TMEM268: variants seen among roughly 807,000 people sequenced by gnomAD.
TMEM268 encodes the protein transmembrane protein C9orf91.
TMEM268 carries 24 observed loss-of-function variants against 39.1 expected under a neutral mutation model. That is an observed-to-expected ratio of 0.61 (90% CI 0.44 to 0.86). TMEM268 has a LOEUF of 0.86. Ranked by LOEUF, TMEM268 falls within the 40% of genes least tolerant of loss-of-function variation. The pLI is 0.00. For synonymous variants in TMEM268, 176 were observed against 173.5 expected (o/e 1.01, Z -0.12); for missense variants, 409 against 428.6 (o/e 0.95, Z 0.40).
At position 114,624,383 on chromosome 9, in the gene TMEM268, G is replaced by C; in HGVS notation, c.140G>C (p.Arg47Pro). The change falls in exon 3 of 9, where the codon CGG becomes CCG. Residue 47 changes from arginine to proline, a missense_variant. Coordinates refer to ENST00000288502, the MANE Select transcript of TMEM268 (RefSeq NM_153045.4). Reference protein sequence around the residue: ...LHNGQVLTVLRIDNTCAPISF... With the variant: ...LHNGQVLTVLPIDNTCAPISF... ...AATGGCCAGGTCCTCACTGTTCTCC[G>C]GATTGACAATACCTGTGCACCCATC... 6.2e-7 allele frequency: 1 copy of C among 1,603,988 alleles called. No homozygotes were observed. The highest frequency in any genetic ancestry group is 8.5e-7 in the Non-Finnish European group (1 of 1,174,804).
chr9:114,617,137 C>A lies in TMEM268; in HGVS notation c.-59C>A. 8.7e-7 allele frequency: 1 copy of A among 1,148,248 alleles called. No individual in the cohort carries two copies. The highest frequency in any genetic ancestry group is 1.4e-5 in the South Asian group (1 of 72,876). The allele number at this position is 1,148,248 out of a possible 1,614,324, so 71.1% of individuals were successfully genotyped here. A position where few individuals can be genotyped will look rare whatever the true frequency, so the allele number is the denominator to read the frequency against. The stretch of plus-strand genomic sequence containing the variant: ...CTGAAGGCATATGATGCTGAGCTGG[C>A]TGCTCCAGAATGAACCACAGCTCTG... On this transcript the variant is annotated 5_prime_UTR_variant, in exon 2 of 9. The change creates a new upstream start codon in the 5' untranslated region. Transcript: ENST00000288502.
rs1466240232 is a variant in TMEM268, at chr9:114,644,178, TG to T, written c.*866del. ...CAGAGGCTTCCAAGTGATCTGCTCC[TG>T]AACAAGTTTGAAGACCTATTGTTTC... On this transcript the variant is annotated 3_prime_UTR_variant, in exon 9 of 9. Transcript: ENST00000288502. The T allele has an allele frequency of 6.6e-6, 1 of 152,358 alleles. No homozygotes were observed. The highest frequency in any genetic ancestry group is 1.5e-5 in the Non-Finnish European group (1 of 68,048). The allele number at this position is 152,358 out of a possible 1,614,324, so 9.4% of individuals were successfully genotyped here.
chr9:114,639,329 G>A (rs570262396), intron 8 of TMEM268, among the ~76,000 whole-genome samples: 1 of 152,004 alleles, frequency 6.6e-6, no homozygotes, highest in Admixed American at 6.6e-5. Context: ...TAGAGGCAGG[G>A]TTTTGCCATG....
chr9:114,608,893 G>A (rs1845401144), upstream of TMEM268, among the ~76,000 whole-genome samples: 1 of 152,114 alleles, frequency 6.6e-6, no homozygotes, highest in Non-Finnish European at 1.5e-5. Flanking sequence ...CTACTTCTCA[G>A]GTTGCCAATT....
intron 5 of TMEM268, among the ~76,000 whole-genome samples, chr9:114,630,608 T>G (rs1021569052): frequency 3.9e-5 from 6 of 152,206 alleles, no homozygotes; most frequent in African/African-American, 1.4e-4. Context: ...GGGCCTCAGT[T>G]TCCTCATCTA....
At chr9:114,622,133 G>A (rs1564288145) in intron 2 of TMEM268, 1 of 985,262 alleles carries the variant, frequency 1.0e-6, no homozygotes, top group Non-Finnish European at 1.2e-6. Flanking sequence ...GGGGGAGCAG[G>A]GAGAGAGAGG....
the TMEM268 span, among the ~76,000 whole-genome samples, chr9:114,605,638 C>T: frequency 7.2e-4 from 109 of 152,160 alleles, no homozygotes; most frequent in African/African-American, 2.2e-3. Context: ...AAATAACTTA[C>T]GGCCGGGTGC....
Position 114,643,116 on chromosome 9 carries a change from C to T in TMEM268, c.850-18C>T, listed in dbSNP as rs780386920. On this transcript the variant is annotated intron_variant, in intron 8 of 8. Coordinates refer to ENST00000288502, the MANE Select transcript of TMEM268 (RefSeq NM_153045.4). ...GGGCTCCCCTGTGGTATTCAATCTG[C>T]TTCCCTGCCTCTTCTAGGAAATGGC... The T allele has an allele frequency of 1.4e-5, 22 of 1,613,884 alleles. No homozygotes were observed. Among genetic ancestry groups the T allele is most frequent in the Middle Eastern group, 1.7e-4 (1 of 6,036 alleles).
chr9:114,625,426 AG>A (rs1384547937), intron 3 of TMEM268, among the ~76,000 whole-genome samples: 1 of 147,060 alleles, frequency 6.8e-6, no homozygotes, highest in African/African-American at 2.5e-5. Context: ...TGAAGATTTT[AG>A]AATTTACTTC....
At chr9:114,620,215 C>CA (rs200729563) in intron 2 of TMEM268, among the ~76,000 whole-genome samples, 8 of 147,220 alleles carry the variant, frequency 5.4e-5, no homozygotes, top group Non-Finnish European at 7.5e-5. Context: ...AACTCCATCT[C>CA]AAAAAAAAAA....
the TMEM268 span, among the ~76,000 whole-genome samples, chr9:114,605,766 CA>C: frequency 1.3e-5 from 2 of 151,732 alleles, no homozygotes; most frequent in Non-Finnish European, 2.9e-5. Context: ...ACAAAAAATA[CA>C]AAAGAAAAAA....
intron 2 of TMEM268, among the ~76,000 whole-genome samples, chr9:114,620,938 G>C (rs950142139): frequency 6.6e-6 from 1 of 150,848 alleles, no homozygotes; most frequent in African/African-American, 2.4e-5. Context: ...AAAAAAAACA[G>C]GAGAGAGAGA....
intron 4 of TMEM268, among the ~76,000 whole-genome samples, chr9:114,627,461 CACTT>C (rs1215307801): frequency 6.6e-6 from 1 of 152,058 alleles, no homozygotes; most frequent in African/African-American, 2.4e-5. Flanking sequence ...TACATATAAA[CACTT>C]ACATACATAA....
intron 5 of TMEM268, 147 bp downstream of exon 5, chr9:114,628,397 C>G: frequency 1.2e-6 from 1 of 828,774 alleles, no homozygotes; most frequent in Admixed American, 2.7e-5. Flanking sequence ...TAAAAGAAAT[C>G]AAATTGTGTA....
rs377599714 is a variant in TMEM268, at chr9:114,633,778, A to G, written c.485A>G (p.Asn162Ser). ...FERHQKKANT[N>S]TDLRLAAANG... is the part of the protein sequence containing the mutation. ...GCGTTTGTCTTACAGGCCAACACCA[A>G]CACGGACCTGAGGCTGGCAGCTGCC... The change falls in exon 6 of 9, where the codon AAC (asparagine) becomes AGC (serine). Residue 162 changes from asparagine (N) to serine (S), a missense_variant. Transcript: ENST00000288502. The G allele has an allele frequency of 6.3e-7, 1 of 1,592,440 alleles. No homozygotes were observed. Among genetic ancestry groups the G allele is most frequent in the Non-Finnish European group, 8.6e-7 (1 of 1,169,502 alleles).
chr9:114,615,940 C>T (rs1845686861), intron 1 of TMEM268, among the ~76,000 whole-genome samples: 1 of 151,890 alleles, frequency 6.6e-6, no homozygotes, highest in African/African-American at 2.4e-5. Flanking sequence ...GATTCGCCCA[C>T]TTTGGCCTCC....
rs1055199586 is a variant in TMEM268, at chr9:114,615,041, C to T, written c.-78-2077C>T. Among the ~76,000 whole-genome samples, 9 of 151,848 alleles carry T rather than the reference C, an allele frequency of 5.9e-5. No individual in the cohort carries two copies. The South Asian group carries it at 8.3e-4, about 14-fold the overall frequency. On this transcript the variant is annotated intron_variant, in intron 1 of 8. Transcript: ENST00000288502. Reference sequence around the variant, plus strand: ...CCTCCTGAGTAGCTGGGATTACAGGCGCCTGCCACCATGCCCGGCTAATTT... The same window carrying T: ...CCTCCTGAGTAGCTGGGATTACAGGTGCCTGCCACCATGCCCGGCTAATTT...
the TMEM268 span, among the ~76,000 whole-genome samples, chr9:114,605,565 T>C: frequency 6.6e-6 from 1 of 152,122 alleles, no homozygotes. Flanking sequence ...GAAGGGATGA[T>C]TGATAGGGAT....
intron 8 of TMEM268, among the ~76,000 whole-genome samples, chr9:114,639,765 A>G (rs1846809903): frequency 6.6e-6 from 1 of 150,452 alleles, no homozygotes; most frequent in South Asian, 2.1e-4. Flanking sequence ...CGTGCCTGTA[A>G]TCCCAGCACT....
Sources: gnomAD v4.1 joint callset for allele counts (sites outside exome capture counted in the v4.1 genomes callset) on GRCh38, gnomAD v4.1.1 for gene constraint, MANE v1.5 for transcripts, NCBI Gene and HGNC (gene_info 2026-07-23, HGNC 2026-07-21) for gene names.